The following VSTM4 variants were observed in gnomAD, a reference collection of about 807,000 sequenced individuals.
VSTM4 encodes the protein V-set and transmembrane domain-containing protein 4.
VSTM4 carries 20 observed loss-of-function variants against 36.4 expected under a neutral mutation model. The ratio of observed to expected loss-of-function variants is 0.55; its 90% confidence interval spans 0.39 to 0.80. VSTM4 has a LOEUF of 0.80. Ranked by LOEUF, VSTM4 falls within the 30% of genes least tolerant of loss-of-function variation. The probability of loss-of-function intolerance (pLI) is 0.00; values close to 1 mark genes in which losing one functional copy is unlikely to be tolerated. For synonymous variants in VSTM4, 182 were observed against 173.9 expected, an observed-to-expected ratio of 1.05 and a Z score of -0.37; for missense variants, 392 against 404.5, an observed-to-expected ratio of 0.97 and a Z score of 0.26.
chr10:49,066,886 T>C (rs961911903), intron 4 of VSTM4, among the ~76,000 whole-genome samples: 2 of 152,074 alleles, frequency 1.3e-5, no homozygotes, highest in African/African-American at 2.4e-5. Context: ...ATAAGTAAAA[T>C]AGGGTAATCA....
chr10:49,111,745 T>C (rs892850327), intron 1 of VSTM4, among the ~76,000 whole-genome samples: 1 of 152,156 alleles, frequency 6.6e-6, no homozygotes, highest in African/African-American at 2.4e-5. Flanking sequence ...GAAAACAACA[T>C]TCCTGACCTT....
chr10:49,025,934 T>G (rs1016327868), intron 7 of VSTM4, among the ~76,000 whole-genome samples: 1 of 152,200 alleles, frequency 6.6e-6, no homozygotes, highest in African/African-American at 2.4e-5. Context: ...TGTTGCCACA[T>G]TTCATGCTGG....
intron 2 of VSTM4, among the ~76,000 whole-genome samples, chr10:49,105,076 A>ACACAGGGAGAGACAGAGG (rs1844747572): frequency 6.6e-6 from 1 of 151,004 alleles, no homozygotes; most frequent in Admixed American, 6.6e-5. Flanking sequence ...AGAGACAGAG[A>ACACAGGGAGAGACAGAGG]CACAGAGAGA....
rs543775649 is a variant in VSTM4, at chr10:49,047,023, T to C, written c.797A>G (p.His266Arg). The change falls in exon 7 of 8, where the codon CAT (histidine) becomes CGT (arginine). Residue 266 changes from histidine (H) to arginine (R), a missense_variant. Transcript: ENST00000332853. The part of the protein sequence containing the change: ...PAKAPIAPTF[H>R]KPKLLKPQRK... Reference sequence around the variant, plus strand: ...CTGTGGTTTCAGCAGCTTCGGTTTATGGAACGTGGGGGCTATCGGAGCTGT... The same window carrying C: ...CTGTGGTTTCAGCAGCTTCGGTTTACGGAACGTGGGGGCTATCGGAGCTGT... The C allele has an allele frequency of 1.9e-6, 3 of 1,614,228 alleles. No homozygotes were observed. The highest frequency in any genetic ancestry group is 1.7e-5 in the Admixed American group (1 of 60,026).
chr10:49,048,555 C>T lies in VSTM4; in HGVS notation c.698G>A (p.Ser233Asn). Residue 233 changes from serine to asparagine, a missense_variant, in exon 6 of 8, where the codon AGC becomes AAC. Physicochemically the swap from Ser to Asn is conservative, Grantham distance 46 (BLOSUM62 1). Coordinates refer to ENST00000332853, the MANE Select transcript of VSTM4 (RefSeq NM_001031746.5). ...SSGETVTSVT[S>N]LAPLQPKKGK... ...CTTCTTGGGCTGTAGTGGGGCCAAG[C>T]TGGTCACGCTAGTGACAGTCTCCCC... is the stretch of plus-strand genomic sequence containing the variant. 3.1e-6 allele frequency: 5 copies of T among 1,595,468 alleles called. No individual in the cohort carries two copies. Among genetic ancestry groups the T allele is most frequent in the Non-Finnish European group, 4.3e-6 (5 of 1,173,614 alleles).
At chr10:49,072,670 C>T (rs962234899) in intron 4 of VSTM4, among the ~76,000 whole-genome samples, 2 of 152,186 alleles carry the variant, frequency 1.3e-5, no homozygotes, top group Non-Finnish European at 2.9e-5. Context: ...TAGGCATGTC[C>T]TTGGAGCCTG....
At chr10:49,047,152 G>T in intron 6 of VSTM4, 108 bp from the exon 7 acceptor site, 1 of 1,125,762 alleles carries the variant, frequency 8.9e-7, no homozygotes, top group Non-Finnish European at 1.3e-6. Flanking sequence ...ACCCCTTCCT[G>T]GTCCCATGGA....
At chr10:49,042,987 G>T (rs150054643) in intron 7 of VSTM4, among the ~76,000 whole-genome samples, 2 of 152,156 alleles carry the variant, frequency 1.3e-5, no homozygotes, top group African/African-American at 4.8e-5. Context: ...TGGGTACATG[G>T]GCCCTGACAC....
At chr10:49,064,814 G>A (rs542336351) in intron 4 of VSTM4, 78 bp from the exon 5 acceptor site, 1 of 1,493,342 alleles carries the variant, frequency 6.7e-7, no homozygotes, top group Admixed American at 1.9e-5. Context: ...ACAAGGAAAT[G>A]CCGGGAGCCA....
At chr10:49,039,389 A>G (rs530911730) in intron 7 of VSTM4, among the ~76,000 whole-genome samples, 6 of 152,112 alleles carry the variant, frequency 3.9e-5, no homozygotes, top group Non-Finnish European at 8.8e-5. Flanking sequence ...CAGGGAAATG[A>G]CACAGATGAA....
At chr10:49,092,849 T>C (rs1844500461) in intron 2 of VSTM4, among the ~76,000 whole-genome samples, 3 of 151,838 alleles carry the variant, frequency 2.0e-5, no homozygotes, top group Non-Finnish European at 4.4e-5. Flanking sequence ...TGGAGCAGAT[T>C]ATGCCAGCAG....
At chr10:49,022,411 T>G (rs1357150776) in intron 7 of VSTM4, among the ~76,000 whole-genome samples, 1 of 152,160 alleles carries the variant, frequency 6.6e-6, no homozygotes, top group Non-Finnish European at 1.5e-5. Context: ...GCAAAACACT[T>G]CTTTTCTTTT....
intron 2 of VSTM4, among the ~76,000 whole-genome samples, chr10:49,087,054 A>T (rs981358959): frequency 2.0e-5 from 3 of 152,166 alleles, no homozygotes; most frequent in Non-Finnish European, 2.9e-5. Flanking sequence ...TATTGTCATG[A>T]TCTCAATTCT....
At chr10:49,076,562 C>A (rs1250580119) in intron 4 of VSTM4, among the ~76,000 whole-genome samples, 1 of 152,166 alleles carries the variant, frequency 6.6e-6, no homozygotes, top group Non-Finnish European at 1.5e-5. Flanking sequence ...AGACCTCCAA[C>A]AGGAGCTGCT....
chr10:49,094,794 C>T (rs953949369), intron 2 of VSTM4, among the ~76,000 whole-genome samples: 4 of 152,098 alleles, frequency 2.6e-5, no homozygotes, highest in Non-Finnish European at 4.4e-5. Flanking sequence ...GGGTGGGGGG[C>T]GTGCCACTGC....
At chr10:49,035,218 C>T (rs1590074066) in intron 7 of VSTM4, among the ~76,000 whole-genome samples, 1 of 152,320 alleles carries the variant, frequency 6.6e-6, no homozygotes, top group South Asian at 2.1e-4. Context: ...CACCTGCTCA[C>T]CTTGGTCAGG....
chr10:49,090,783 T>TG (rs1342003345), intron 2 of VSTM4, among the ~76,000 whole-genome samples: 1 of 152,196 alleles, frequency 6.6e-6, no homozygotes, highest in Non-Finnish European at 1.5e-5. Context: ...ATAGCTGGCA[T>TG]GGGGGCAAAT....
intron 4 of VSTM4, among the ~76,000 whole-genome samples, chr10:49,065,172 G>A (rs965873370): frequency 1.1e-4 from 17 of 152,156 alleles, no homozygotes; most frequent in African/African-American, 4.1e-4. Context: ...GGACTAAAAA[G>A]AGGCCCTCGG....
chr10:49,076,503 A>G (rs986087295), intron 4 of VSTM4, among the ~76,000 whole-genome samples: 2 of 152,174 alleles, frequency 1.3e-5, no homozygotes, highest in Admixed American at 6.5e-5. Context: ...AGTGTCCCCA[A>G]GCTGTTTTGG....
Sources: gnomAD v4.1 joint callset for allele counts (sites outside exome capture counted in the v4.1 genomes callset) on GRCh38, gnomAD v4.1.1 for gene constraint, MANE v1.5 for transcripts, NCBI Gene and HGNC (gene_info 2026-07-23, HGNC 2026-07-21) for gene names.